The following BFAR variants were observed in gnomAD, a reference collection of about 807,000 sequenced individuals.
The protein encoded by BFAR is RING finger protein 47.
Under a neutral mutation model 54.4 loss-of-function variants are expected in BFAR, and 52 were observed. That is an observed-to-expected ratio of 0.96 (90% CI 0.77 to 1.21). The LOEUF (loss-of-function observed/expected upper bound fraction) is 1.21, where lower values mean the gene tolerates loss of function less well. Among genes scored for constraint, BFAR ranks in the 50% most tolerant of loss-of-function variants. BFAR has a pLI of 0.00. For synonymous variants in BFAR, 215 were observed against 204.3 expected, an observed-to-expected ratio of 1.05 and a Z score of -0.45; for missense variants, 571 against 534.0, an observed-to-expected ratio of 1.07 and a Z score of -0.68.
chr16:14,659,495 C>T (rs1041526883), intron 5 of BFAR, among the ~76,000 whole-genome samples: 1 of 151,856 alleles, frequency 6.6e-6, no homozygotes, highest in Non-Finnish European at 1.5e-5. Context: ...CTGCCTGCAT[C>T]AGCCTCCCAA....
intron 1 of BFAR, chr16:14,633,475 A>G (rs1959328630): frequency 6.6e-6 from 1 of 152,146 alleles, no homozygotes; most frequent in African/African-American, 2.4e-5. Context: ...TTACGGTCTA[A>G]TTGTCGAGGC....
chr16:14,636,689 C>T (rs1039820626), intron 1 of BFAR, among the ~76,000 whole-genome samples: 19 of 152,196 alleles, frequency 1.2e-4, no homozygotes, highest in African/African-American at 4.3e-4. Context: ...AGACCCTTTA[C>T]GGGTGTCGGG....
intron 1 of BFAR, among the ~76,000 whole-genome samples, chr16:14,642,127 GA>G (rs998225332): frequency 1.4e-4 from 22 of 152,184 alleles, no homozygotes; most frequent in Non-Finnish European, 2.9e-4. Flanking sequence ...CATGAAGCGT[GA>G]GCCCTTCCCT....
intron 4 of BFAR, among the ~76,000 whole-genome samples, chr16:14,651,569 G>T (rs1343812631): frequency 1.3e-5 from 2 of 152,030 alleles, no homozygotes; most frequent in African/African-American, 4.8e-5. Context: ...TGCAATCTCT[G>T]TGTTTAGGGC....
chr16:14,644,635 AC>A (rs1279892582), intron 2 of BFAR, 26 bp downstream of exon 2: 3 of 1,596,492 alleles, frequency 1.9e-6, no homozygotes, highest in African/African-American at 1.3e-5. Flanking sequence ...TATTGGTAGC[AC>A]AAACAGCCCA....
chr16:14,654,371 T>A (rs1371826948), intron 4 of BFAR, among the ~76,000 whole-genome samples: 1 of 150,628 alleles, frequency 6.6e-6, no homozygotes, highest in Non-Finnish European at 1.5e-5. Context: ...TATAAAAAAA[T>A]AAATAAAAAT....
At chr16:14,640,968 C>G (rs1959606966) in intron 1 of BFAR, among the ~76,000 whole-genome samples, 2 of 152,216 alleles carry the variant, frequency 1.3e-5, no homozygotes, top group Admixed American at 1.3e-4. Flanking sequence ...TTCAGAGTGA[C>G]TCAGTGCCTA....
intron 1 of BFAR, among the ~76,000 whole-genome samples, chr16:14,635,418 A>G (rs979079302): frequency 9.9e-5 from 15 of 151,896 alleles, no homozygotes; most frequent in African/African-American, 3.2e-4. Context: ...TTTTATAGCT[A>G]TCTGAGTTAC....
At chr16:14,648,665 GTTC>G in intron 3 of BFAR, 73 bp downstream of exon 3, 1 of 1,134,578 alleles carries the variant, frequency 8.8e-7, no homozygotes, top group Non-Finnish European at 1.3e-6. Flanking sequence ...ACTGAAGTCA[GTTC>G]TGTTGAAATC....
intron 5 of BFAR, among the ~76,000 whole-genome samples, chr16:14,661,197 A>G (rs1960277247): frequency 6.6e-6 from 1 of 152,134 alleles, no homozygotes; most frequent in Admixed American, 6.6e-5. Flanking sequence ...TGTAGTACTA[A>G]ACATCTTGTA....
intron 5 of BFAR, among the ~76,000 whole-genome samples, chr16:14,655,845 G>A (rs189814714): frequency 9.9e-5 from 15 of 152,272 alleles, no homozygotes; most frequent in East Asian, 7.7e-4. Context: ...AGTTTAAACC[G>A]CATCTGCTCT....
In BFAR at chr16:14,656,021, C is replaced by A. The variant is rs554202575; in HGVS notation, c.783+811C>A. On this transcript the variant is annotated intron_variant, in intron 5 of 7. Transcript: ENST00000261658. ...GGTCAGCAGTTTGAGACCAGCCTGGCCAACGTGGTGAAACCCCGTCTCTAC... is the reference window on the plus strand; with the variant it reads ...GGTCAGCAGTTTGAGACCAGCCTGGACAACGTGGTGAAACCCCGTCTCTAC... 3.3e-5 allele frequency among the ~76,000 whole-genome samples: 5 copies of A among 152,084 alleles called. No homozygotes were observed. The South Asian group carries it at 1.0e-3, about 32-fold the overall frequency.
intron 7 of BFAR, 76 bp from the exon 8 acceptor site, chr16:14,667,559 A>G: frequency 7.2e-7 from 1 of 1,397,044 alleles, no homozygotes; most frequent in Non-Finnish European, 9.8e-7. Context: ...AGCACCCAGA[A>G]AAGGCCCAGG....
chr16:14,636,195 G>A (rs541329305), intron 1 of BFAR, among the ~76,000 whole-genome samples: 1 of 152,262 alleles, frequency 6.6e-6, no homozygotes, highest in South Asian at 2.1e-4. Context: ...CTCGTTAGGT[G>A]GAACGAGAGA....
In BFAR at chr16:14,644,504, T is replaced by A; in HGVS notation, c.158T>A (p.Phe53Tyr). 2 of 1,614,130 alleles carry A rather than the reference T, an allele frequency of 1.2e-6. No homozygotes were observed. The highest frequency in any genetic ancestry group is 1.7e-6 in the Non-Finnish European group (2 of 1,180,020). The change falls in exon 2 of 8, where the codon TTC becomes TAC. Residue 53 changes from phenylalanine to tyrosine, a missense_variant. Transcript: ENST00000261658. ...NPTTLNCGHS[F>Y]CRHCLALWWA... ...ACCACCTTGAACTGTGGGCACAGCT[T>A]CTGCCGTCACTGCCTTGCTTTATGG...
intron 6 of BFAR, among the ~76,000 whole-genome samples, chr16:14,663,054 CTA>C: frequency 6.6e-6 from 1 of 152,328 alleles, no homozygotes; most frequent in Admixed American, 6.5e-5. Flanking sequence ...TGTCTGGAAT[CTA>C]TAGATAACAT....
intron 7 of BFAR, among the ~76,000 whole-genome samples, chr16:14,666,431 C>T (rs866960409): frequency 3.3e-5 from 5 of 152,202 alleles, no homozygotes; most frequent in Non-Finnish European, 2.9e-5. Context: ...ATTAGCCAGG[C>T]GTGGCGGTGG....
chr16:14,658,905 A>G (rs1480390326), intron 5 of BFAR, among the ~76,000 whole-genome samples: 1 of 151,300 alleles, frequency 6.6e-6, no homozygotes, highest in Non-Finnish European at 1.5e-5. Context: ...AATAGTAATT[A>G]TGATTTTTTT....
At chr16:14,661,259 CTGAT>C (rs1328424645) in intron 5 of BFAR, among the ~76,000 whole-genome samples, 1 of 152,058 alleles carries the variant, frequency 6.6e-6, no homozygotes, top group African/African-American at 2.4e-5. Flanking sequence ...CACTTACAGA[CTGAT>C]TGAATTAAAC....
Sources: allele counts gnomAD v4.1 joint callset (sites outside exome capture counted in the v4.1 genomes callset), GRCh38; gene constraint gnomAD v4.1.1; transcripts MANE v1.5; gene names NCBI Gene and HGNC (gene_info 2026-07-23, HGNC 2026-07-21).